SAMD12: variants seen among roughly 807,000 people sequenced by gnomAD.
The protein encoded by SAMD12 is sterile alpha motif domain-containing protein 12.
SAMD12 carries 9 observed loss-of-function variants against 15.0 expected under a neutral mutation model. That is an observed-to-expected ratio of 0.60 (90% CI 0.36 to 1.05). The LOEUF (loss-of-function observed/expected upper bound fraction) is 1.05. Ranked by LOEUF, SAMD12 falls within the 50% of genes least tolerant of loss-of-function variation. The pLI is 0.01. For missense variants in SAMD12, 230 were observed against 234.2 expected, an observed-to-expected ratio of 0.98 and a Z score of 0.12; for synonymous variants, 86 against 90.1, an observed-to-expected ratio of 0.96 and a Z score of 0.25.
At chr8:118,268,560 A>G (rs981621145) in intron 4 of SAMD12, among the ~76,000 whole-genome samples, 16 of 152,156 alleles carry the variant, frequency 1.1e-4, no homozygotes, top group Non-Finnish European at 2.4e-4. Context: ...CACATCTGTA[A>G]TCCCAGCACT....
intron 2 of SAMD12, among the ~76,000 whole-genome samples, 168 bp downstream of exon 2, chr8:118,580,547 C>G (rs1331002932): frequency 1.3e-5 from 2 of 152,158 alleles, no homozygotes; most frequent in Non-Finnish European, 2.9e-5. Context: ...AAAGGGAATA[C>G]AGTTAATATT....
chr8:118,563,495 T>C (rs1194916978), intron 2 of SAMD12, among the ~76,000 whole-genome samples: 1 of 152,154 alleles, frequency 6.6e-6, no homozygotes, highest in Non-Finnish European at 1.5e-5. Flanking sequence ...CTCAGAACAC[T>C]GAAAATAACT....
intron 3 of SAMD12, among the ~76,000 whole-genome samples, chr8:118,380,493 C>T (rs561257132): frequency 2.6e-4 from 40 of 152,268 alleles, no homozygotes; most frequent in Non-Finnish European, 4.7e-4. Flanking sequence ...TACTTCTCTT[C>T]CTACTGTGAT....
chr8:118,163,780 C>T, the SAMD12 span, among the ~76,000 whole-genome samples: 10 of 152,012 alleles, frequency 6.6e-5, no homozygotes, highest in African/African-American at 1.9e-4. Context: ...GAGGCTGAGG[C>T]GGGAGAATGG....
At chr8:118,400,279 G>A (rs533618828) in intron 3 of SAMD12, 2 of 152,300 alleles carry the variant, frequency 1.3e-5, no homozygotes, top group African/African-American at 2.4e-5. Flanking sequence ...CTTTTCAGAT[G>A]AGCAAACAAA....
intron 4 of SAMD12, among the ~76,000 whole-genome samples, chr8:118,299,359 G>A (rs1263448178): frequency 1.3e-5 from 2 of 152,146 alleles, no homozygotes; most frequent in South Asian, 2.1e-4. Flanking sequence ...AGTAGTACTC[G>A]CTATAGGGTT....
At chr8:118,579,066 C>T (rs1827220337) in intron 2 of SAMD12, among the ~76,000 whole-genome samples, 1 of 152,082 alleles carries the variant, frequency 6.6e-6, no homozygotes, top group South Asian at 2.1e-4. Flanking sequence ...TTCACATATT[C>T]AAGATAATCA....
intron 2 of SAMD12, among the ~76,000 whole-genome samples, chr8:118,489,746 G>A (rs1031556319): frequency 5.3e-5 from 8 of 152,084 alleles, no homozygotes; most frequent in Admixed American, 1.3e-4. Context: ...ATGTCCTTCT[G>A]TTCTAAGCCC....
intron 2 of SAMD12, among the ~76,000 whole-genome samples, chr8:118,574,691 A>G (rs891118171): frequency 1.3e-5 from 2 of 152,200 alleles, no homozygotes; most frequent in Admixed American, 6.5e-5. Context: ...CAAGAACTCA[A>G]TATACATGTA....
At chr8:118,475,437 C>A (rs1277439823) in intron 2 of SAMD12, among the ~76,000 whole-genome samples, 1 of 152,122 alleles carries the variant, frequency 6.6e-6, no homozygotes, top group African/African-American at 2.4e-5. Context: ...GCCAAATAAA[C>A]CTCTTTCTTT....
At chr8:118,286,593 G>C (rs1160942515) in intron 4 of SAMD12, among the ~76,000 whole-genome samples, 1 of 152,180 alleles carries the variant, frequency 6.6e-6, no homozygotes, top group East Asian at 1.9e-4. Flanking sequence ...GTCATAAACT[G>C]GCAGGGTTCT....
intron 2 of SAMD12, among the ~76,000 whole-genome samples, chr8:118,518,092 C>T (rs1289395130): frequency 6.6e-6 from 1 of 152,160 alleles, no homozygotes; most frequent in African/African-American, 2.4e-5. Context: ...TTCTAATTTG[C>T]CCAGCTTGTG....
At chr8:118,301,219 T>A (rs1364062868) in intron 4 of SAMD12, among the ~76,000 whole-genome samples, 1 of 152,152 alleles carries the variant, frequency 6.6e-6, no homozygotes, top group Non-Finnish European at 1.5e-5. Context: ...GGTCACTAGA[T>A]GTGAATAACT....
At chr8:118,268,944 A>G (rs1235179718) in intron 4 of SAMD12, among the ~76,000 whole-genome samples, 2 of 152,162 alleles carry the variant, frequency 1.3e-5, no homozygotes, top group Non-Finnish European at 2.9e-5. Flanking sequence ...TACCTTCTTT[A>G]GGATAAATAT....
intron 2 of SAMD12, among the ~76,000 whole-genome samples, chr8:118,550,649 T>C (rs1373316339): frequency 6.6e-6 from 1 of 151,976 alleles, no homozygotes; most frequent in Non-Finnish European, 1.5e-5. Flanking sequence ...GCTAACATCA[T>C]AATGACAGGT....
chr8:118,170,212 A>T, the SAMD12 span, among the ~76,000 whole-genome samples: 1 of 152,142 alleles, frequency 6.6e-6, no homozygotes, highest in Non-Finnish European at 1.5e-5. Flanking sequence ...CTAAACTCAG[A>T]GTGCTCGTGA....
intron 4 of SAMD12, among the ~76,000 whole-genome samples, chr8:118,358,457 C>T (rs1163571859): frequency 6.6e-6 from 1 of 152,090 alleles, no homozygotes; most frequent in Non-Finnish European, 1.5e-5. Flanking sequence ...AGGTTTTTTC[C>T]AACAACCAGC....
chr8:118,213,139 C>G (rs1447336550), intron 4 of SAMD12, among the ~76,000 whole-genome samples: 1 of 152,148 alleles, frequency 6.6e-6, no homozygotes. Context: ...TGAATGATCT[C>G]CATATCCTAT....
intron 3 of SAMD12, among the ~76,000 whole-genome samples, chr8:118,425,763 G>C (rs1486191823): frequency 2.6e-5 from 4 of 152,186 alleles, no homozygotes; most frequent in African/African-American, 9.7e-5. Flanking sequence ...GGCAGTAGGA[G>C]ATCAAGTCCT....
Sources: gnomAD v4.1 joint callset for allele counts (sites outside exome capture counted in the v4.1 genomes callset) on GRCh38, gnomAD v4.1.1 for gene constraint, MANE v1.5 for transcripts, NCBI Gene and HGNC (gene_info 2026-07-23, HGNC 2026-07-21) for gene names.